The following FBXW4 variants were observed in gnomAD, a reference collection of about 807,000 sequenced individuals.
The protein encoded by FBXW4 is F-box and WD repeat domain containing 4.
Under a neutral mutation model 61.8 loss-of-function variants are expected in FBXW4, and 40 were observed. The ratio of observed to expected loss-of-function variants is 0.65; its 90% CI spans 0.50 to 0.84. The LOEUF (loss-of-function observed/expected upper bound fraction) is 0.84. Among genes scored for constraint, FBXW4 ranks in the 40% least tolerant of loss-of-function variants. The pLI is 0.00. For missense variants in FBXW4, 672 were observed against 753.8 expected, an observed-to-expected ratio of 0.89 and a Z score of 1.27; for synonymous variants, 311 against 313.8, an observed-to-expected ratio of 0.99 and a Z score of 0.10.
At chr10:101,624,948 C>T in intron 5 of FBXW4, 138 bp from the exon 6 acceptor site, 2 of 886,504 alleles carry the variant, frequency 2.3e-6, no homozygotes, top group East Asian at 5.3e-5. Context: ...CCAAGGGAGC[C>T]ATCAGAGGAG....
intron 5 of FBXW4, among the ~76,000 whole-genome samples, chr10:101,654,438 A>G (rs1490307223): frequency 6.6e-6 from 1 of 152,186 alleles, no homozygotes; most frequent in Non-Finnish European, 1.5e-5. Flanking sequence ...ATGTAGGTCT[A>G]TATATCCTTA....
Position 101,668,096 on chromosome 10 carries a change from G to A in FBXW4, c.1141-116C>T, listed in dbSNP as rs1589770972. ...AGAAATGGGGAATCCTTTATGCCCT[G>A]CACACACAGAGCTCAGGTATCAGCA... On this transcript the variant is annotated intron_variant, in intron 4 of 8. Coordinates refer to ENST00000331272, the MANE Select transcript of FBXW4 (RefSeq NM_022039.4). 5 of 765,402 alleles carry A rather than the reference G, an allele frequency of 6.5e-6. No homozygotes were observed. The East Asian group carries it at 1.0e-4, about 16-fold the overall frequency. 47.4% of individuals were successfully genotyped at this position (765,402 alleles called of 1,614,324 possible). A position where few individuals can be genotyped will look rare whatever the true frequency, so the allele number is the denominator to read the frequency against.
intron 1 of FBXW4, among the ~76,000 whole-genome samples, chr10:101,684,941 G>A (rs2064519436): frequency 1.3e-5 from 2 of 152,164 alleles, no homozygotes; most frequent in African/African-American, 4.8e-5. Flanking sequence ...AAGAGGGCAT[G>A]GAGCTGACTG....
At chr10:101,646,367 G>C (rs1030837612) in intron 5 of FBXW4, among the ~76,000 whole-genome samples, 3 of 152,204 alleles carry the variant, frequency 2.0e-5, no homozygotes, top group Admixed American at 6.5e-5. Context: ...CCCCTTAGCT[G>C]TCTCCCAACC....
chr10:101,673,735 A>G, intron 2 of FBXW4, 62 bp from the exon 3 acceptor site: 2 of 1,507,546 alleles, frequency 1.3e-6, no homozygotes, highest in African/African-American at 2.8e-5. Context: ...CTCAACTCCA[A>G]TCTTTGAAGA....
chr10:101,666,124 A>G (rs2134882800), intron 5 of FBXW4, among the ~76,000 whole-genome samples: 1 of 152,198 alleles, frequency 6.6e-6, no homozygotes, highest in East Asian at 1.9e-4. Flanking sequence ...GGAGGAGACA[A>G]AGCTCAATGG....
chr10:101,685,696 T>TAA (rs959679681), intron 1 of FBXW4, among the ~76,000 whole-genome samples: 1 of 152,058 alleles, frequency 6.6e-6, no homozygotes, highest in African/African-American at 2.4e-5. Flanking sequence ...CTTGCTTTTT[T>TAA]AAAAAAAAAT....
intron 5 of FBXW4, among the ~76,000 whole-genome samples, chr10:101,641,261 A>G (rs906920796): frequency 2.0e-5 from 3 of 152,222 alleles, no homozygotes; most frequent in African/African-American, 7.2e-5. Context: ...TGAGGGGGAA[A>G]AAAGGAAAAA....
intron 5 of FBXW4, among the ~76,000 whole-genome samples, chr10:101,637,374 AGAGT>A (rs1165800616): frequency 8.3e-6 from 1 of 121,042 alleles, no homozygotes; most frequent in Non-Finnish European, 1.7e-5. Context: ...CCTGGGCGAC[AGAGT>A]GAGACTCCGT....
intron 3 of FBXW4, 26 bp from the exon 4 acceptor site, chr10:101,673,073 C>G: frequency 6.2e-7 from 1 of 1,603,406 alleles, no homozygotes; most frequent in Non-Finnish European, 8.5e-7. Flanking sequence ...GGAGCCGACC[C>G]CCAAGAACCA....
intron 5 of FBXW4, among the ~76,000 whole-genome samples, chr10:101,640,482 C>CTTTT (rs2064041477): frequency 1.1e-5 from 1 of 88,928 alleles, no homozygotes; most frequent in African/African-American, 4.1e-5. Context: ...TTCTTTCTTT[C>CTTTT]TCTTTTTTTT....
chr10:101,657,454 T>C (rs952946487), intron 5 of FBXW4, among the ~76,000 whole-genome samples: 9 of 151,792 alleles, frequency 5.9e-5, no homozygotes, highest in African/African-American at 2.2e-4. Context: ...GCCAACATGG[T>C]GAAACCCCAT....
chr10:101,692,746 CAAAAAA>C lies in FBXW4; in HGVS notation c.725+1629_725+1634del, dbSNP rs61631625. Among the ~76,000 whole-genome samples, 93 of 85,200 alleles carry C rather than the reference CAAAAAA, an allele frequency of 1.1e-3. 1 individual carries two copies. The highest frequency in any genetic ancestry group is 3.6e-3 in the African/African-American group (74 of 20,456). The allele number at this position is 85,200 out of a possible 152,430, so 55.9% of individuals were successfully genotyped here. On this transcript the variant is annotated intron_variant, in intron 1 of 8. Transcript: ENST00000331272. Reference sequence around the variant, plus strand: ...GGGCAACAAGAGTGAAACTCCGTCTCAAAAAAAAAAAAAAAAAAAAAATCAAATTTG... The same window carrying C: ...GGGCAACAAGAGTGAAACTCCGTCTCAAAAAAAAAAAAAAAATCAAATTTG...
intron 1 of FBXW4, among the ~76,000 whole-genome samples, chr10:101,686,928 T>C (rs1299820005): frequency 6.6e-6 from 1 of 152,104 alleles, no homozygotes; most frequent in African/African-American, 2.4e-5. Flanking sequence ...TATCTGAACC[T>C]TGATTCAACT....
intron 1 of FBXW4, among the ~76,000 whole-genome samples, chr10:101,680,533 C>G (rs2064464293): frequency 6.6e-6 from 1 of 152,132 alleles, no homozygotes; most frequent in South Asian, 2.1e-4. Context: ...TCATCCATGT[C>G]CAACAGAGGA....
At chr10:101,632,007 T>A (rs1163272274) in intron 5 of FBXW4, among the ~76,000 whole-genome samples, 3 of 152,166 alleles carry the variant, frequency 2.0e-5, no homozygotes, top group African/African-American at 7.2e-5. Flanking sequence ...GACCTGAAGG[T>A]GAGCGACCTG....
At chr10:101,621,953 A>G (rs2063869715) in intron 6 of FBXW4, among the ~76,000 whole-genome samples, 1 of 152,164 alleles carries the variant, frequency 6.6e-6, no homozygotes. Context: ...GAGCAAATCA[A>G]TCCATGATAA....
chr10:101,617,203 AT>A (rs948853913), intron 6 of FBXW4, among the ~76,000 whole-genome samples: 39 of 152,260 alleles, frequency 2.6e-4, no homozygotes, highest in African/African-American at 8.2e-4. Flanking sequence ...TCTTAACCCC[AT>A]TTTACAGATG....
At chr10:101,622,456 G>A (rs563407686) in intron 6 of FBXW4, among the ~76,000 whole-genome samples, 7 of 152,232 alleles carry the variant, frequency 4.6e-5, no homozygotes, top group Admixed American at 6.5e-5. Context: ...AGCCGGGTGC[G>A]GTGGCTCACG....
Sources: allele counts gnomAD v4.1 joint callset (sites outside exome capture counted in the v4.1 genomes callset), GRCh38; gene constraint gnomAD v4.1.1; transcripts MANE v1.5; gene names NCBI Gene and HGNC (gene_info 2026-07-23, HGNC 2026-07-21).